TADA3: variants seen among roughly 807,000 people sequenced by gnomAD.
The protein encoded by TADA3 is transcriptional adapter 3.
TADA3 carries 25 observed loss-of-function variants against 43.2 expected under a neutral mutation model. The observed-to-expected ratio is 0.58, with a 90% confidence interval of 0.42 to 0.81. The LOEUF (loss-of-function observed/expected upper bound fraction) is 0.81. Among genes scored for constraint, TADA3 ranks in the 30% least tolerant of loss-of-function variants. The pLI is 0.00. For synonymous variants in TADA3, 235 were observed against 225.5 expected, an observed-to-expected ratio of 1.04 and a Z score of -0.38; for missense variants, 441 against 567.8, an observed-to-expected ratio of 0.78 and a Z score of 2.27.
intron 4 of TADA3, chr3:9,788,161 A>G (rs2078659293): frequency 6.4e-6 from 1 of 155,226 alleles, no homozygotes; most frequent in Non-Finnish European, 1.4e-5. Context: ...CTATGGGAGG[A>G]TTCTCCCTCA....
intron 6 of TADA3, among the ~76,000 whole-genome samples, chr3:9,786,313 T>C (rs1481354841): frequency 6.6e-6 from 1 of 152,188 alleles, no homozygotes; most frequent in Non-Finnish European, 1.5e-5. Context: ...AAGGCCACCG[T>C]CAGCTGGGGT....
chr3:9,782,075 C>T (rs1199703943), intron 8 of TADA3, among the ~76,000 whole-genome samples: 2 of 152,070 alleles, frequency 1.3e-5, no homozygotes, highest in African/African-American at 2.4e-5. Context: ...TGAGCTCAAA[C>T]AAGCCTCCCA....
At chr3:9,792,106 C>T (rs2078750967) in intron 1 of TADA3, 110 bp downstream of exon 1, 1 of 152,326 alleles carries the variant, frequency 6.6e-6, no homozygotes, top group African/African-American at 2.4e-5. Flanking sequence ...TGTTATTTGA[C>T]CTTTTTCAGT....
chr3:9,780,208 A>G lies in TADA3; in HGVS notation c.*149T>C. The G allele has an allele frequency of 1.3e-6, 1 of 783,324 alleles. No homozygotes were observed. Among genetic ancestry groups the G allele is most frequent in the Non-Finnish European group, 2.0e-6 (1 of 504,052 alleles). The allele number at this position is 783,324 out of a possible 1,614,324, so 48.5% of individuals were successfully genotyped here. A position where few individuals can be genotyped will look rare whatever the true frequency, so the allele number is the denominator to read the frequency against. The stretch of plus-strand genomic sequence containing the variant: ...GTCCTGGTTGTACAGAGCTAGGCCA[A>G]AAGACCTCAGGGGAAGGGCCACGGC... On this transcript the variant is annotated 3_prime_UTR_variant, in exon 9 of 9. Coordinates refer to ENST00000301964, the MANE Select transcript of TADA3 (RefSeq NM_006354.5).
chr3:9,787,180 A>C lies in TADA3; in HGVS notation c.706+19T>G, dbSNP rs1423117683. On this transcript the variant is annotated intron_variant, in intron 5 of 8. Transcript: ENST00000301964. ...ATTCAAGTCCTGACCTGGGGTTGGC[A>C]GGGAGGTGAGAGGCCTACCTTTAGT... 6.2e-7 allele frequency: 1 copy of C among 1,614,062 alleles called. No individual in the cohort carries two copies. Among genetic ancestry groups the C allele is most frequent in the Non-Finnish European group, 8.5e-7 (1 of 1,180,054 alleles).
chr3:9,789,881 T>A lies in TADA3; in HGVS notation c.290A>T (p.Lys97Ile). 1.9e-6 allele frequency: 3 copies of A among 1,614,250 alleles called. No homozygotes were observed. The highest frequency in any genetic ancestry group is 2.5e-6 in the Non-Finnish European group (3 of 1,180,040). Residue 97 changes from lysine to isoleucine, a missense_variant, in exon 3 of 9, where the codon AAA (lysine) becomes ATA (isoleucine). Physicochemically the swap from Lys to Ile is moderately radical, Grantham distance 102. Coordinates refer to ENST00000301964, the MANE Select transcript of TADA3 (RefSeq NM_006354.5). ...GRDHELGAPP[K>I]HGKPKKQKLE... ...TTTCTGCTTCTTGGGCTTCCCATGTTTGGGGGGAGCTCCAAGTTCATGGTC... is the reference window on the plus strand; with the variant it reads ...TTTCTGCTTCTTGGGCTTCCCATGTATGGGGGGAGCTCCAAGTTCATGGTC...
chr3:9,792,410 C>A lies in TADA3; in HGVS notation c.-222G>T. The A allele has an allele frequency of 1.0e-6, 1 of 961,804 alleles. No homozygotes were observed. The highest frequency in any genetic ancestry group is 1.3e-6 in the Non-Finnish European group (1 of 784,472). The allele number at this position is 961,804 out of a possible 1,614,324, so 59.6% of individuals were successfully genotyped here. A position where few individuals can be genotyped will look rare whatever the true frequency, so the allele number is the denominator to read the frequency against. On this transcript the variant is annotated 5_prime_UTR_variant, in exon 1 of 9. Transcript: ENST00000301964. ...TCTACCTCCTCGCTGCGGCCTCCTA[C>A]GGCCCCAGGGGCCGCGGGAGGGGGC...
intron 2 of TADA3, among the ~76,000 whole-genome samples, 200 bp downstream of exon 2, chr3:9,791,060 T>G (rs1312135305): frequency 6.6e-6 from 1 of 152,232 alleles, no homozygotes; most frequent in African/African-American, 2.4e-5. Flanking sequence ...AAAAGCTTAC[T>G]GAATTAGAAA....
In TADA3 at chr3:9,785,330, C is replaced by T; in HGVS notation, c.906G>A (p.Gln302=). 1 of 1,613,938 alleles carries T rather than the reference C, an allele frequency of 6.2e-7. No individual in the cohort carries two copies. The highest frequency in any genetic ancestry group is 1.1e-5 in the South Asian group (1 of 91,050). Residue 302 remains glutamine, a synonymous_variant, in exon 7 of 9, where the codon CAG becomes CAA. Coordinates refer to ENST00000301964, the MANE Select transcript of TADA3 (RefSeq NM_006354.5). Reference sequence around the variant, plus strand: ...ACACCACTCACCTGAAGGGCTTGTTCTGATTGCGAGGGGAGGTGCTTGCCC... The same window carrying T: ...ACACCACTCACCTGAAGGGCTTGTTTTGATTGCGAGGGGAGGTGCTTGCCC... ...ADGASTSPRN[Q]NKPFSVPHTK... is the part of the protein sequence containing the mutation.
rs2078695027 is a variant in TADA3, at chr3:9,789,827, C to T, written c.344G>A (p.Gly115Asp). The T allele has an allele frequency of 6.2e-7, 1 of 1,614,138 alleles. No homozygotes were observed. Residue 115 changes from glycine (G) to aspartate (D), a missense_variant, in exon 3 of 9, where the codon GGC becomes GAC. Coordinates refer to ENST00000301964, the MANE Select transcript of TADA3 (RefSeq NM_006354.5). ...GGATTTGGGCCGTCCTGGGCCAGGG[C>T]CCGGCCCATGTCCTGCCTTCCCTTC... ...KLEGKAGHGP[G>D]PGPGRPKSKN...
At chr3:9,792,569 C>T, upstream of TADA3, 2 of 1,228,892 alleles carry the variant, frequency 1.6e-6, no homozygotes, top group Non-Finnish European at 2.0e-6. Context: ...AGGTGGGCCT[C>T]GAGCAAAGCC....
upstream of TADA3, chr3:9,792,931 C>G (rs906613910): frequency 7.2e-7 from 1 of 1,397,372 alleles, no homozygotes; most frequent in Non-Finnish European, 9.3e-7. Context: ...TTTAAAAATA[C>G]CGAGACAGCC....
intron 8 of TADA3, among the ~76,000 whole-genome samples, chr3:9,782,602 C>A (rs1379451483): frequency 1.3e-5 from 2 of 152,186 alleles, no homozygotes; most frequent in Non-Finnish European, 2.9e-5. Flanking sequence ...TTGCTGGCCC[C>A]CAGCACAATA....
chr3:9,789,902 T>G lies in TADA3; in HGVS notation c.269A>C (p.His90Pro), dbSNP rs765063026. 2.5e-6 allele frequency: 4 copies of G among 1,614,162 alleles called. No individual in the cohort carries two copies. Among genetic ancestry groups the G allele is most frequent in the Non-Finnish European group, 3.4e-6 (4 of 1,180,014 alleles). Reference protein sequence around the residue: ...DRRFLKLGRDHELGAPPKHGK... With the variant: ...DRRFLKLGRDPELGAPPKHGK... ...ATGTTTGGGGGGAGCTCCAAGTTCA[T>G]GGTCTCGACCCAGCTTCAGGAATCG... The change falls in exon 3 of 9, where the codon CAT becomes CCT. Residue 90 changes from histidine (H) to proline (P), a missense_variant. Physicochemically the swap from His to Pro is moderately conservative, Grantham distance 77. Coordinates refer to ENST00000301964, the MANE Select transcript of TADA3 (RefSeq NM_006354.5).
At chr3:9,783,838 A>T in intron 8 of TADA3, 190 bp downstream of exon 8, 2 of 1,053,502 alleles carry the variant, frequency 1.9e-6, no homozygotes, top group Non-Finnish European at 1.3e-6. Context: ...CCTGAGCCCC[A>T]CTCTGTGGAA....
Position 9,787,486 on chromosome 3 carries a change from C to T in TADA3, c.565-146G>A. 6 of 1,251,540 alleles carry T rather than the reference C, an allele frequency of 4.8e-6. No homozygotes were observed. In the South Asian group the frequency reaches 6.2e-5, roughly 13 times the overall value. 77.5% of individuals were successfully genotyped at this position (1,251,540 alleles called of 1,614,324 possible). ...GTCAGGTGTAGGTAAGAAAGTACAA[C>T]GAAGATAAAACCTGTACTTCACACT... On this transcript the variant is annotated intron_variant, in intron 4 of 8. Coordinates refer to ENST00000301964, the MANE Select transcript of TADA3 (RefSeq NM_006354.5).
At chr3:9,792,761 G>C (rs1424795228), upstream of TADA3, 4 of 1,245,178 alleles carry the variant, frequency 3.2e-6, no homozygotes, top group East Asian at 1.3e-4. Flanking sequence ...CGAAGGGCTC[G>C]TCCGCTTCGG....
intron 4 of TADA3, among the ~76,000 whole-genome samples, chr3:9,789,177 G>A (rs1284745741): frequency 1.3e-5 from 2 of 152,274 alleles, no homozygotes; most frequent in South Asian, 2.1e-4. Context: ...TTCCTCCAGA[G>A]GCCTCGAAAC....
At chr3:9,789,389 G>C in intron 4 of TADA3, 120 bp downstream of exon 4, 1 of 884,870 alleles carries the variant, frequency 1.1e-6, no homozygotes, top group Non-Finnish European at 1.7e-6. Flanking sequence ...TGATGGAGCA[G>C]ACAGCAGACT....
Sources: gnomAD v4.1 joint callset for allele counts (sites outside exome capture counted in the v4.1 genomes callset) on GRCh38, gnomAD v4.1.1 for gene constraint, MANE v1.5 for transcripts, NCBI Gene and HGNC (gene_info 2026-07-23, HGNC 2026-07-21) for gene names.